The following SMYD3 variants were observed in gnomAD, a reference collection of about 807,000 sequenced individuals.
SMYD3 encodes the protein SET and MYND domain containing 3.
A neutral mutation model predicts 57.7 loss-of-function variants in SMYD3; 36 were observed. That is an observed-to-expected ratio of 0.62 (90% CI 0.48 to 0.82). The LOEUF is 0.82. SMYD3 is among the 40% of genes least tolerant of loss of function. The pLI is 0.00. For missense variants in SMYD3, 515 were observed against 538.8 expected (o/e 0.96, Z 0.44); for synonymous variants, 211 against 195.0 (o/e 1.08, Z -0.68).
chr1:246,316,866 C>T (rs935400769), intron 5 of SMYD3, among the ~76,000 whole-genome samples: 7 of 150,724 alleles, frequency 4.6e-5, no homozygotes, highest in South Asian at 2.1e-4. Context: ...TGGTGGTGTG[C>T]GGCCTGTAGT....
chr1:245,942,938 A>G (rs1282243428), intron 5 of SMYD3, among the ~76,000 whole-genome samples: 1 of 152,168 alleles, frequency 6.6e-6, no homozygotes, highest in Non-Finnish European at 1.5e-5. Flanking sequence ...GAAACCAATG[A>G]GAACGAAGAA....
At chr1:246,328,921 A>G (rs1165735491) in intron 4 of SMYD3, among the ~76,000 whole-genome samples, 1 of 150,610 alleles carries the variant, frequency 6.6e-6, no homozygotes, top group African/African-American at 2.5e-5. Flanking sequence ...ATTCCCACCT[A>G]CGAGTGAGAA....
chr1:245,962,569 G>C (rs1172991643), intron 5 of SMYD3, among the ~76,000 whole-genome samples: 1 of 152,174 alleles, frequency 6.6e-6, no homozygotes, highest in African/African-American at 2.4e-5. Flanking sequence ...TGGCCAGACA[G>C]CCTGGCTAAG....
At chr1:246,158,635 T>A (rs988517470) in intron 5 of SMYD3, among the ~76,000 whole-genome samples, 1 of 152,204 alleles carries the variant, frequency 6.6e-6, no homozygotes. Flanking sequence ...TAGCACATAA[T>A]ACGTGCTCAA....
intron 10 of SMYD3, among the ~76,000 whole-genome samples, chr1:245,781,881 A>T (rs2046840223): frequency 6.6e-6 from 1 of 152,202 alleles, no homozygotes; most frequent in Non-Finnish European, 1.5e-5. Context: ...AAGCAGGAGA[A>T]TCACTTGAAC....
At chr1:245,982,835 G>A (rs6678983) in intron 5 of SMYD3, among the ~76,000 whole-genome samples, 18,664 of 152,010 alleles carry the variant, frequency 0.12, 1,538 homozygotes, top group East Asian at 0.44. Context: ...TATTTCTTTC[G>A]TAGCCACACC....
intron 5 of SMYD3, among the ~76,000 whole-genome samples, chr1:246,115,375 T>G (rs1282125061): frequency 6.6e-6 from 1 of 152,132 alleles, no homozygotes; most frequent in Non-Finnish European, 1.5e-5. Flanking sequence ...CTCAGTGACT[T>G]GCCCTACACT....
rs138710511 is a variant in SMYD3 at position 246,171,370 on chromosome 1, A to G, written c.531+155831T>C. ...GCATATCCTTTTGCTTTAAATCATA[A>G]CATTTTAGATCATTCTTTTTCCAGA... On this transcript the variant is annotated intron_variant, in intron 5 of 11. Transcript: ENST00000490107. 5.9e-5 allele frequency among the ~76,000 whole-genome samples: 9 copies of G among 152,266 alleles called. No individual in the cohort carries two copies. In the East Asian group the frequency reaches 1.7e-3, roughly 29 times the overall value.
chr1:245,856,294 A>G (rs1458954781), intron 10 of SMYD3, among the ~76,000 whole-genome samples: 1 of 152,254 alleles, frequency 6.6e-6, no homozygotes, highest in Non-Finnish European at 1.5e-5. Flanking sequence ...CTTTAAAAGC[A>G]AATGATTCGT....
chr1:246,429,654 C>T (rs1002630643), intron 1 of SMYD3, among the ~76,000 whole-genome samples: 2 of 152,226 alleles, frequency 1.3e-5, no homozygotes, highest in South Asian at 2.1e-4. Flanking sequence ...CTAAAAGAGT[C>T]GTCAGAGGCC....
intron 5 of SMYD3, among the ~76,000 whole-genome samples, chr1:246,075,178 A>G (rs1323785624): frequency 6.6e-6 from 1 of 152,214 alleles, no homozygotes; most frequent in Non-Finnish European, 1.5e-5. Context: ...ACAGGAAAAT[A>G]TGCTTGTAAT....
chr1:246,144,122 C>T (rs954286677), intron 5 of SMYD3, among the ~76,000 whole-genome samples: 4 of 152,220 alleles, frequency 2.6e-5, no homozygotes, highest in African/African-American at 9.6e-5. Context: ...GACAGCCTCC[C>T]TGTCGAGCTG....
chr1:246,444,230 A>G (rs1340845136), intron 1 of SMYD3, among the ~76,000 whole-genome samples: 1 of 151,452 alleles, frequency 6.6e-6, no homozygotes, highest in East Asian at 1.9e-4. Context: ...AGGTTCAAGC[A>G]ATTTTCTGCC....
chr1:246,261,144 C>T (rs901879006), intron 5 of SMYD3, among the ~76,000 whole-genome samples: 4 of 152,052 alleles, frequency 2.6e-5, no homozygotes, highest in East Asian at 1.9e-4. Flanking sequence ...CTGCAAGCTC[C>T]GCCTCCTGGG....
At chr1:246,347,555 G>C (rs2065743248) in intron 2 of SMYD3, among the ~76,000 whole-genome samples, 1 of 152,150 alleles carries the variant, frequency 6.6e-6, no homozygotes, top group Non-Finnish European at 1.5e-5. Flanking sequence ...GCAATGGTTT[G>C]AAGGTCTGTA....
chr1:245,862,280 A>G (rs1380438356), intron 9 of SMYD3, among the ~76,000 whole-genome samples: 1 of 150,064 alleles, frequency 6.7e-6, no homozygotes, highest in African/African-American at 2.4e-5. Flanking sequence ...TTTATAATCA[A>G]TATTAATGCA....
intron 5 of SMYD3, among the ~76,000 whole-genome samples, chr1:246,224,453 G>A (rs1437511851): frequency 1.3e-5 from 2 of 152,112 alleles, no homozygotes; most frequent in Non-Finnish European, 2.9e-5. Context: ...CAATACATCA[G>A]AGAGGAAACC....
chr1:245,951,759 G>A (rs879475038), intron 5 of SMYD3, among the ~76,000 whole-genome samples: 1 of 151,342 alleles, frequency 6.6e-6, no homozygotes, highest in Non-Finnish European at 1.5e-5. Context: ...GATTCAACCA[G>A]TCACCCTACT....
At chr1:245,834,312 T>C (rs35650462) in intron 10 of SMYD3, among the ~76,000 whole-genome samples, 18,769 of 152,248 alleles carry the variant, frequency 0.12, 1,290 homozygotes, top group South Asian at 0.21. Context: ...TGCACGGATA[T>C]ACTGACAGTC....
Sources: allele counts gnomAD v4.1 joint callset (sites outside exome capture counted in the v4.1 genomes callset), GRCh38; gene constraint gnomAD v4.1.1; transcripts MANE v1.5; gene names NCBI Gene and HGNC (gene_info 2026-07-23, HGNC 2026-07-21).